The following SLC4A5 variants were observed in gnomAD, a reference collection of about 807,000 sequenced individuals.
SLC4A5 encodes electrogenic sodium bicarbonate cotransporter 4.
A neutral mutation model predicts 120.4 loss-of-function variants in SLC4A5; 96 were observed. The observed-to-expected ratio is 0.80, with a 90% CI of 0.68 to 0.94. The LOEUF is 0.94. Ranked by LOEUF, SLC4A5 falls within the 40% of genes least tolerant of loss-of-function variation. The pLI, the probability that SLC4A5 is intolerant of heterozygous loss-of-function variation, is 0.00. For synonymous variants in SLC4A5, 550 were observed against 571.1 expected (o/e 0.96, Z 0.53); for missense variants, 1,259 against 1,459.5 (o/e 0.86, Z 2.24).
chr2:74,224,840 C>A, exon 28 of SLC4A5: 1 of 1,606,150 alleles, frequency 6.2e-7, no homozygotes. Context: ...TCTTCCCCAC[C>A]TCCTCATCAC....
chr2:74,293,222 C>A (rs1672228267), intron 7 of SLC4A5, among the ~76,000 whole-genome samples: 1 of 152,134 alleles, frequency 6.6e-6, no homozygotes, highest in Non-Finnish European at 1.5e-5. Flanking sequence ...CAATAACATT[C>A]TTTTTCTAGA....
At chr2:74,217,914 C>T (rs959159141) in exon 31 of SLC4A5, 3 of 152,472 alleles carry the variant, frequency 2.0e-5, no homozygotes, top group East Asian at 1.9e-4. Flanking sequence ...AGCGATTCTC[C>T]TGCCTCAGCC....
chr2:74,234,880 C>A (rs762986527), intron 22 of SLC4A5, among the ~76,000 whole-genome samples: 2 of 152,200 alleles, frequency 1.3e-5, no homozygotes, highest in Non-Finnish European at 2.9e-5. Flanking sequence ...TTCCTCACCT[C>A]GTGACTATAG....
chr2:74,276,684 A>ATGAAAGACATATTCATTACTACAGGTT (rs1671651834), intron 8 of SLC4A5, among the ~76,000 whole-genome samples: 2 of 152,224 alleles, frequency 1.3e-5, no homozygotes, highest in African/African-American at 2.4e-5. Flanking sequence ...TACTACAGGT[A>ATGAAAGACATATTCATTACTACAGGTT]TGAAAGACAT....
chr2:74,308,249 A>G (rs1198474131), intron 6 of SLC4A5, among the ~76,000 whole-genome samples: 1 of 152,250 alleles, frequency 6.6e-6, no homozygotes, highest in Non-Finnish European at 1.5e-5. Context: ...ACCTAGGAAC[A>G]TGATCGCTGG....
chr2:74,240,298 C>T (rs1670398134), intron 20 of SLC4A5, among the ~76,000 whole-genome samples: 1 of 152,154 alleles, frequency 6.6e-6, no homozygotes, highest in African/African-American at 2.4e-5. Context: ...TGAGGCTTTT[C>T]TTGGCCTCTC....
intron 16 of SLC4A5, among the ~76,000 whole-genome samples, chr2:74,251,847 C>T (rs1670801973): frequency 6.6e-6 from 1 of 152,246 alleles, no homozygotes. Flanking sequence ...TGTGGAACTC[C>T]TGGCCTCCAG....
In SLC4A5 at chr2:74,245,814, C is replaced by T. The variant is rs577770185; in HGVS notation, c.2059+1222G>A. On this transcript the variant is annotated intron_variant, in intron 19 of 30. Transcript: ENST00000394019. ...CGATTGACTTATGATTTTTTTTACC[C>T]GTAGTAATGTATTAAGGGGCTGAAC... 3.9e-5 allele frequency among the ~76,000 whole-genome samples: 6 copies of T among 152,144 alleles called. No homozygotes were observed. In the South Asian group the frequency reaches 1.2e-3, roughly 32 times the overall value.
At chr2:74,267,934 G>A (rs975608238) in intron 8 of SLC4A5, among the ~76,000 whole-genome samples, 3 of 152,066 alleles carry the variant, frequency 2.0e-5, no homozygotes, top group Admixed American at 2.0e-4. Context: ...GCAGTGAGCC[G>A]AGATGGCACC....
At chr2:74,253,378 C>T (rs943754607) in intron 14 of SLC4A5, among the ~76,000 whole-genome samples, 7 of 152,172 alleles carry the variant, frequency 4.6e-5, no homozygotes, top group South Asian at 4.1e-4. Flanking sequence ...TGTAGGACTT[C>T]GGTTAAGTTA....
chr2:74,277,563 A>T (rs77691829), intron 8 of SLC4A5, among the ~76,000 whole-genome samples: 2 of 147,954 alleles, frequency 1.4e-5, no homozygotes, highest in African/African-American at 2.5e-5. Context: ...ACTGAAAAAT[A>T]AAAAAAAAAA....
chr2:74,309,687 ACT>A (rs995578728), intron 6 of SLC4A5, among the ~76,000 whole-genome samples: 1 of 146,528 alleles, frequency 6.8e-6, no homozygotes, highest in African/African-American at 2.5e-5. Context: ...ACAGAGTCTC[ACT>A]CTGTCACCCA....
intron 5 of SLC4A5, among the ~76,000 whole-genome samples, chr2:74,318,115 AACAG>A (rs774432184): frequency 6.6e-6 from 1 of 152,232 alleles, no homozygotes; most frequent in Non-Finnish European, 1.5e-5. Context: ...GAACAAAGTA[AACAG>A]ACAACCTACA....
intron 8 of SLC4A5, among the ~76,000 whole-genome samples, chr2:74,283,084 G>A (rs1368622404): frequency 1.3e-5 from 2 of 152,180 alleles, no homozygotes; most frequent in East Asian, 1.9e-4. Context: ...ATTGCTTCCA[G>A]ACCTATGTTC....
chr2:74,303,817 T>C (rs935766893), intron 7 of SLC4A5, among the ~76,000 whole-genome samples: 3 of 151,958 alleles, frequency 2.0e-5, no homozygotes, highest in Middle Eastern at 3.2e-3. Context: ...CTGAGCACAA[T>C]GCCTCATACA....
chr2:74,305,851 A>C (rs1672627120), intron 6 of SLC4A5, among the ~76,000 whole-genome samples: 1 of 151,014 alleles, frequency 6.6e-6, no homozygotes, highest in African/African-American at 2.4e-5. Context: ...CAGCCTCCCA[A>C]GTAGCTGGGA....
At chr2:74,325,032 G>A (rs1174949549) in intron 5 of SLC4A5, among the ~76,000 whole-genome samples, 1 of 152,158 alleles carries the variant, frequency 6.6e-6, no homozygotes, top group Non-Finnish European at 1.5e-5. Flanking sequence ...ATTTTGAACT[G>A]TCCTTCTCAG....
chr2:74,293,739 T>TTC (rs1186232634), intron 7 of SLC4A5, among the ~76,000 whole-genome samples: 4 of 152,198 alleles, frequency 2.6e-5, no homozygotes, highest in African/African-American at 9.6e-5. Flanking sequence ...CCCACACCCC[T>TTC]TCTCTCTCTG....
At chr2:74,311,441 T>C (rs1411473335) in intron 6 of SLC4A5, among the ~76,000 whole-genome samples, 2 of 152,226 alleles carry the variant, frequency 1.3e-5, no homozygotes, top group Non-Finnish European at 2.9e-5. Flanking sequence ...TTTAATGTTA[T>C]TCATTTTCCT....
Sources: gnomAD v4.1 joint callset for allele counts (sites outside exome capture counted in the v4.1 genomes callset) on GRCh38, gnomAD v4.1.1 for gene constraint, MANE v1.5 for transcripts, NCBI Gene and HGNC (gene_info 2026-07-23, HGNC 2026-07-21) for gene names.